Variants in NPNT observed in about 807,000 individuals in gnomAD.
The protein encoded by NPNT is nephronectin, also known as preosteoblast EGF-like repeat protein with MAM domain.
In NPNT, 45 loss-of-function variants were observed where a neutral mutation model predicts 68.6. The observed-to-expected ratio is 0.66, with a 90% confidence interval of 0.52 to 0.84. The LOEUF is 0.84. NPNT is among the 40% of genes least tolerant of loss of function. The pLI is 0.00. For synonymous variants in NPNT, 233 were observed against 253.3 expected (o/e 0.92, Z 0.76); for missense variants, 672 against 714.8 (o/e 0.94, Z 0.68).
intron 2 of NPNT, chr4:105,911,934 A>G (rs1046324177): frequency 5.0e-6 from 2 of 403,594 alleles, no homozygotes; most frequent in African/African-American, 4.2e-5. Flanking sequence ...TAAATTTAGA[A>G]TTTGGACTAT....
At chr4:105,939,957 G>A (rs769179628) in intron 5 of NPNT, 118 bp from the exon 6 acceptor site, 121 of 802,926 alleles carry the variant, frequency 1.5e-4, no homozygotes, top group Middle Eastern at 1.3e-3. Context: ...GCTAGATACC[G>A]TTTATGATGA....
chr4:105,896,135 CG>C (rs1338409166), intron 1 of NPNT: 5 of 185,856 alleles, frequency 2.7e-5, no homozygotes, highest in East Asian at 1.5e-4. Flanking sequence ...TCCAGGCCCC[CG>C]GGGGGAGGCC....
chr4:105,955,089 T>C (rs1731113864), intron 8 of NPNT, among the ~76,000 whole-genome samples: 1 of 152,250 alleles, frequency 6.6e-6, no homozygotes, highest in Admixed American at 6.5e-5. Context: ...AGCACTTCTC[T>C]GATTCTTTTT....
intron 2 of NPNT, among the ~76,000 whole-genome samples, chr4:105,920,415 A>AAAAAC: frequency 6.6e-6 from 1 of 151,500 alleles, no homozygotes; most frequent in African/African-American, 2.4e-5. Context: ...AAAAAAAAAA[A>AAAAAC]AAAACTTCAC....
intron 2 of NPNT, among the ~76,000 whole-genome samples, chr4:105,920,033 A>C (rs1728127148): frequency 6.6e-6 from 1 of 152,038 alleles, no homozygotes; most frequent in South Asian, 2.1e-4. Context: ...TTCCTTCTAC[A>C]TGTTAGTAGG....
intron 10 of NPNT, among the ~76,000 whole-genome samples, chr4:105,961,130 A>G (rs1731689272): frequency 6.6e-6 from 1 of 152,194 alleles, no homozygotes; most frequent in Non-Finnish European, 1.5e-5. Flanking sequence ...CTAAGGCCAC[A>G]GAGCTAGAGA....
intron 2 of NPNT, among the ~76,000 whole-genome samples, chr4:105,918,224 A>G (rs1560900508): frequency 6.6e-6 from 1 of 152,232 alleles, no homozygotes; most frequent in Non-Finnish European, 1.5e-5. Flanking sequence ...CTGACATCAT[A>G]TTAGTCGAGG....
At chr4:105,960,212 A>G (rs371972762) in intron 10 of NPNT, among the ~76,000 whole-genome samples, 1 of 152,180 alleles carries the variant, frequency 6.6e-6, no homozygotes, top group African/African-American at 2.4e-5. Flanking sequence ...TTTTAAGAAG[A>G]TACAGAATGT....
chr4:105,966,730 C>T (rs1732174149), intron 10 of NPNT, among the ~76,000 whole-genome samples: 2 of 151,772 alleles, frequency 1.3e-5, no homozygotes, highest in South Asian at 4.2e-4. Flanking sequence ...TTTAAATCAC[C>T]ATCTGCTTTA....
At chr4:105,949,465 G>A (rs1730642544) in intron 8 of NPNT, among the ~76,000 whole-genome samples, 1 of 152,150 alleles carries the variant, frequency 6.6e-6, no homozygotes. Flanking sequence ...GGTTGGGGAG[G>A]GCAGAAAGGT....
At chr4:105,967,144 A>G in intron 10 of NPNT, 44 bp from the exon 11 acceptor site, 2 of 1,588,752 alleles carry the variant, frequency 1.3e-6, no homozygotes, top group South Asian at 1.1e-5. Flanking sequence ...TGTTCTAGAA[A>G]GGGATATTGG....
At chr4:105,904,411 A>C (rs1726702114) in intron 2 of NPNT, among the ~76,000 whole-genome samples, 1 of 152,172 alleles carries the variant, frequency 6.6e-6, no homozygotes, top group African/African-American at 2.4e-5. Context: ...CCATATCCAG[A>C]GTCTGATCTT....
At chr4:105,937,926 T>C (rs1386820921) in intron 4 of NPNT, among the ~76,000 whole-genome samples, 1 of 152,230 alleles carries the variant, frequency 6.6e-6, no homozygotes, top group Non-Finnish European at 1.5e-5. Context: ...GGTGAATACA[T>C]GTTTAACATT....
At chr4:105,933,894 C>T (rs1308656576) in intron 3 of NPNT, among the ~76,000 whole-genome samples, 3 of 152,110 alleles carry the variant, frequency 2.0e-5, no homozygotes, top group African/African-American at 7.2e-5. Context: ...GACTTGTATA[C>T]ATAATAACTG....
At chr4:105,933,805 C>T (rs960975154) in intron 3 of NPNT, among the ~76,000 whole-genome samples, 1 of 152,106 alleles carries the variant, frequency 6.6e-6, no homozygotes, top group African/African-American at 2.4e-5. Context: ...GTTCCCTTCT[C>T]CCTCTCCTTC....
At chr4:105,896,064 A>G (rs10020333) in intron 1 of NPNT, 137,558 of 313,732 alleles carry the variant, frequency 0.44, 36,008 homozygotes, top group African/African-American at 0.83. Flanking sequence ...GTGACGCGCG[A>G]AACATCCCTT....
chr4:105,901,655 G>A (rs571083274), intron 2 of NPNT, among the ~76,000 whole-genome samples: 400 of 152,304 alleles, frequency 2.6e-3, no homozygotes, highest in Non-Finnish European at 4.3e-3. Flanking sequence ...CTTAAGAACA[G>A]GGAAAATTGA....
rs573224457 is a variant in NPNT, at chr4:105,967,108, A to C, written c.1346-80A>C. 1.5e-5 allele frequency: 21 copies of C among 1,422,724 alleles called. No individual in the cohort carries two copies. In the South Asian group the frequency reaches 1.7e-4, roughly 11 times the overall value. 88.1% of individuals were successfully genotyped at this position (1,422,724 alleles called of 1,614,324 possible). ...TTACAAAGAAAAGAAAAAAAAAAAA[A>C]AACTAAAACTCCTGTCCATGCTGCT... On this transcript the variant is annotated intron_variant, in intron 10 of 11. Transcript: ENST00000379987.
intron 2 of NPNT, among the ~76,000 whole-genome samples, chr4:105,899,726 A>G (rs983577352): frequency 6.6e-6 from 1 of 152,224 alleles, no homozygotes; most frequent in Non-Finnish European, 1.5e-5. Context: ...AAAGGCACAA[A>G]TGGTTCTTTA....
Sources: gnomAD v4.1 joint callset for allele counts (sites outside exome capture counted in the v4.1 genomes callset) on GRCh38, gnomAD v4.1.1 for gene constraint, MANE v1.5 for transcripts, NCBI Gene and HGNC (gene_info 2026-07-23, HGNC 2026-07-21) for gene names.